The following ATG3 variants were observed in gnomAD, a reference collection of about 807,000 sequenced individuals.
ATG3 encodes ubiquitin-like-conjugating enzyme ATG3.
In ATG3, 25 loss-of-function variants were observed where a neutral mutation model predicts 50.7. The observed-to-expected ratio is 0.49, with a 90% CI of 0.36 to 0.69. The LOEUF (loss-of-function observed/expected upper bound fraction) is 0.69, where lower values mean the gene tolerates loss of function less well. Among genes scored for constraint, ATG3 ranks in the 30% least tolerant of loss-of-function variants. ATG3 has a pLI of 0.00. For synonymous variants in ATG3, 119 were observed against 125.5 expected, an observed-to-expected ratio of 0.95 and a Z score of 0.34; for missense variants, 281 against 376.0, an observed-to-expected ratio of 0.75 and a Z score of 2.09.
rs1933891193 is a variant in ATG3, at chr3:112,561,659, C to G, written c.-131G>C. ...ACCCGGCTGGCAGCACCCGAGGGGA[C>G]GGGACGCGACGCGACGGGACGGGCG... On this transcript the variant is annotated 5_prime_UTR_variant, in exon 1 of 12. Coordinates refer to ENST00000283290, the MANE Select transcript of ATG3 (RefSeq NM_022488.5). The G allele has an allele frequency of 1.2e-6, 1 of 816,314 alleles. No homozygotes were observed. Among genetic ancestry groups the G allele is most frequent in the Non-Finnish European group, 1.9e-6 (1 of 537,906 alleles). The allele number at this position is 816,314 out of a possible 1,614,324, so 50.6% of individuals were successfully genotyped here.
Position 112,541,857 on chromosome 3 carries a change from C to T in ATG3, c.421G>A (p.Ala141Thr). ...TCATCTTCTTCCTCTTCACATAGTG[C>T]TGAGCAATCTTGAAGCCTTATATTG... ...KDNIRLQDCS[A>T]LCEEEEDEDE... is the part of the protein sequence containing the mutation. Residue 141 changes from alanine (A) to threonine (T), a missense_variant, in exon 7 of 12, where the codon GCA (alanine) becomes ACA (threonine). Transcript: ENST00000283290. The T allele has an allele frequency of 6.2e-7, 1 of 1,612,210 alleles. No homozygotes were observed. The highest frequency in any genetic ancestry group is 8.5e-7 in the Non-Finnish European group (1 of 1,179,510).
chr3:112,557,949 C>T (rs1252861106), intron 2 of ATG3, among the ~76,000 whole-genome samples: 2 of 152,012 alleles, frequency 1.3e-5, no homozygotes, highest in African/African-American at 4.8e-5. Flanking sequence ...CCACCGACAA[C>T]GAAATAGAAC....
intron 6 of ATG3, among the ~76,000 whole-genome samples, chr3:112,543,280 AT>A (rs1250954356): frequency 6.6e-6 from 1 of 152,070 alleles, no homozygotes; most frequent in South Asian, 2.1e-4. Flanking sequence ...ATTTTATATT[AT>A]TTTTTCATAT....
chr3:112,547,092 TG>T (rs1482558215), intron 5 of ATG3, among the ~76,000 whole-genome samples: 3 of 152,206 alleles, frequency 2.0e-5, no homozygotes, highest in Non-Finnish European at 4.4e-5. Context: ...TCTACTGCAG[TG>T]AGTCTCAACT....
At chr3:112,545,321 A>G (rs754663587) in intron 5 of ATG3, among the ~76,000 whole-genome samples, 12 of 152,388 alleles carry the variant, frequency 7.9e-5, no homozygotes, top group Non-Finnish European at 1.2e-4. Context: ...AGTCAGCTAG[A>G]TAACATTTCT....
At chr3:112,556,888 C>A (rs538944247) in intron 2 of ATG3, among the ~76,000 whole-genome samples, 3 of 151,974 alleles carry the variant, frequency 2.0e-5, no homozygotes, top group Non-Finnish European at 4.4e-5. Context: ...ACAAACACTG[C>A]GGAAGGCCAC....
intron 5 of ATG3, among the ~76,000 whole-genome samples, 199 bp from the exon 6 acceptor site, chr3:112,544,305 T>C (rs1933314036): frequency 6.6e-6 from 1 of 152,206 alleles, no homozygotes; most frequent in Non-Finnish European, 1.5e-5. Context: ...AACTCATTAA[T>C]ATTTTACCAT....
chr3:112,558,391 T>G lies in ATG3; in HGVS notation c.99A>C (p.Val33=). The G allele has an allele frequency of 6.2e-7, 1 of 1,604,868 alleles. No homozygotes were observed. The highest frequency in any genetic ancestry group is 8.5e-7 in the Non-Finnish European group (1 of 1,172,034). ...CAGCACTCACCTCTTCTGGGGTAAT[T>G]ACACCTGTTTCCTTAAACTTTGATT... ...LKESKFKETG[V]ITPEEFVAAG... Residue 33 remains valine, a synonymous_variant, in exon 2 of 12, where the codon GTA becomes GTC. Coordinates refer to ENST00000283290, the MANE Select transcript of ATG3 (RefSeq NM_022488.5).
At chr3:112,551,899 G>A (rs1933540055) in intron 3 of ATG3, among the ~76,000 whole-genome samples, 1 of 151,940 alleles carries the variant, frequency 6.6e-6, no homozygotes. Context: ...AAAAACACAT[G>A]TAGGAGAGAA....
At chr3:112,556,225 G>A in intron 2 of ATG3, among the ~76,000 whole-genome samples, 1 of 152,226 alleles carries the variant, frequency 6.6e-6, no homozygotes, top group East Asian at 1.9e-4. Context: ...TGAAGCCTCG[G>A]CAGGGATAGT....
intron 1 of ATG3, among the ~76,000 whole-genome samples, chr3:112,560,788 C>T (rs781117988): frequency 6.6e-6 from 1 of 152,106 alleles, no homozygotes; most frequent in African/African-American, 2.4e-5. Context: ...TTTAAAAATG[C>T]TGTACTGTTG....
At chr3:112,541,671 C>T (rs1933231525) in intron 7 of ATG3, 132 bp downstream of exon 7, 1 of 700,388 alleles carries the variant, frequency 1.4e-6, no homozygotes, top group Non-Finnish European at 2.4e-6. Flanking sequence ...ATGAACTAAA[C>T]ATATATAAAA....
chr3:112,541,978 A>G (rs1933243428), intron 6 of ATG3, 94 bp from the exon 7 acceptor site: 1 of 905,656 alleles, frequency 1.1e-6, no homozygotes, highest in African/African-American at 1.7e-5. Context: ...CCACTGTGAA[A>G]ATAAGAATGA....
chr3:112,534,243 C>T (rs190048553), intron 11 of ATG3, 26 bp downstream of exon 11: 1 of 1,595,384 alleles, frequency 6.3e-7, no homozygotes, highest in Non-Finnish European at 8.5e-7. Flanking sequence ...CATTTTGCCA[C>T]TAATCTTACA....
At position 112,544,079 on chromosome 3, in the gene ATG3, T is replaced by C; in HGVS notation, c.371A>G (p.Lys124Arg). 6.2e-7 allele frequency: 1 copy of C among 1,603,594 alleles called. No individual in the cohort carries two copies. The highest frequency in any genetic ancestry group is 8.5e-7 in the Non-Finnish European group (1 of 1,171,274). ...TGITGITEAV[K>R]EITLENKDNI... ...TACCTTATTTTCCAGTGTGATCTCT[T>C]TAACGGCTTCCGTTATTCCTGTAAT... The change falls in exon 6 of 12, where the codon AAA (lysine) becomes AGA (arginine). Residue 124 changes from lysine to arginine, a missense_variant. Transcript: ENST00000283290.
chr3:112,537,033 C>T (rs1264174721), intron 9 of ATG3, among the ~76,000 whole-genome samples: 10 of 149,240 alleles, frequency 6.7e-5, no homozygotes, highest in African/African-American at 2.2e-4. Context: ...CATCTCACAT[C>T]ACTTGCAATT....
chr3:112,541,038 C>T (rs973118192), intron 7 of ATG3, among the ~76,000 whole-genome samples: 1 of 152,180 alleles, frequency 6.6e-6, no homozygotes, highest in Admixed American at 6.5e-5. Context: ...CAACTGGCAA[C>T]TCTAGGAGGA....
rs375759383 is a variant in ATG3, at chr3:112,558,713, G to A, written c.73-296C>T. On this transcript the variant is annotated intron_variant, in intron 1 of 11. Coordinates refer to ENST00000283290, the MANE Select transcript of ATG3 (RefSeq NM_022488.5). ...ATACTATCAGATCAGTGCTATAATA[G>A]AGTAAAGCTCTATGTAGAAACATTC... 4.0e-5 allele frequency among the ~76,000 whole-genome samples: 6 copies of A among 151,828 alleles called. No homozygotes were observed. In the East Asian group the frequency reaches 1.2e-3, roughly 29 times the overall value.
At chr3:112,545,175 T>C (rs1016902714) in intron 5 of ATG3, among the ~76,000 whole-genome samples, 1 of 152,222 alleles carries the variant, frequency 6.6e-6, no homozygotes, top group African/African-American at 2.4e-5. Context: ...TTGAGTGTTA[T>C]ACCCAGTCAA....
Sources: gnomAD v4.1 joint callset for allele counts (sites outside exome capture counted in the v4.1 genomes callset) on GRCh38, gnomAD v4.1.1 for gene constraint, MANE v1.5 for transcripts, NCBI Gene and HGNC (gene_info 2026-07-23, HGNC 2026-07-21) for gene names.